PRRC2B: variants seen among roughly 807,000 people sequenced by gnomAD.
The protein encoded by PRRC2B is protein PRRC2B.
Under a neutral mutation model 242.3 loss-of-function variants are expected in PRRC2B, and 68 were observed. That is an observed-to-expected ratio of 0.28 (90% confidence interval 0.23 to 0.34). PRRC2B has a LOEUF of 0.34. Ranked by LOEUF, PRRC2B falls within the 10% of genes least tolerant of loss-of-function variation. PRRC2B has a pLI of 1.00. For synonymous variants in PRRC2B, 1,228 were observed against 1,173.6 expected (o/e 1.05, Z -0.95); for missense variants, 2,835 against 2,954.8 (o/e 0.96, Z 0.94).
chr9:131,476,465 A>G lies in PRRC2B; in HGVS notation c.4336A>G (p.Arg1446Gly). 1 of 1,613,350 alleles carries G rather than the reference A, an allele frequency of 6.2e-7. No homozygotes were observed. Among genetic ancestry groups the G allele is most frequent in the African/African-American group, 1.3e-5 (1 of 75,066 alleles). ...EPGGFGEKPV[R>G]PGGGDTSPRY... Reference sequence around the variant, plus strand: ...GGGAGGGTTTGGGGAGAAGCCCGTTAGGCCAGGTGGTGGTGACACCTCCCC... The same window carrying G: ...GGGAGGGTTTGGGGAGAAGCCCGTTGGGCCAGGTGGTGGTGACACCTCCCC... Residue 1446 changes from arginine (R) to glycine (G), a missense_variant, in exon 16 of 32, where the codon AGG becomes GGG. Physicochemically the swap from Arg to Gly is moderately radical, Grantham distance 125. Coordinates refer to ENST00000683519, the MANE Select transcript of PRRC2B (RefSeq NM_013318.4).
intron 1 of PRRC2B, among the ~76,000 whole-genome samples, chr9:131,408,204 G>T (rs1232100784): frequency 6.6e-6 from 1 of 152,230 alleles, no homozygotes; most frequent in Non-Finnish European, 1.5e-5. Context: ...CTAATGAGAG[G>T]TCTCGGGCCT....
intron 11 of PRRC2B, among the ~76,000 whole-genome samples, chr9:131,464,108 A>G (rs1943323609): frequency 6.6e-6 from 1 of 151,222 alleles, no homozygotes; most frequent in Non-Finnish European, 1.5e-5. Context: ...TGCCCAGCTA[A>G]TTTTTGTATT....
Position 131,495,784 on chromosome 9 carries a change from G to A in PRRC2B, c.6600G>A (p.Lys2200=). 1 of 1,612,946 alleles carries A rather than the reference G, an allele frequency of 6.2e-7. No homozygotes were observed. Among genetic ancestry groups the A allele is most frequent in the Non-Finnish European group, 8.5e-7 (1 of 1,179,012 alleles). ...VDEKPSLGAV[K]LQEAPSAASQ... is the part of the protein sequence containing the mutation. ...AGAAACCCAGCCTGGGAGCCGTGAA[G>A]CTGCAGGAGGCCCCCTCGGCTGCCT... Residue 2200 remains lysine (K), a synonymous_variant, in exon 32 of 32, where the codon AAG becomes AAA. Transcript: ENST00000683519.
At chr9:131,456,144 T>C (rs1032092616) in intron 10 of PRRC2B, among the ~76,000 whole-genome samples, 69 of 147,202 alleles carry the variant, frequency 4.7e-4, no homozygotes, top group Non-Finnish European at 8.5e-4. Context: ...TTAAGTGCAC[T>C]GGGGAGGTGA....
intron 1 of PRRC2B, among the ~76,000 whole-genome samples, chr9:131,383,165 C>T (rs1336738729): frequency 1.3e-4 from 20 of 152,280 alleles, no homozygotes; most frequent in Admixed American, 9.8e-4. Flanking sequence ...ACCGAGAAGG[C>T]CTCCTCCGGC....
chr9:131,494,425 G>C lies in PRRC2B; in HGVS notation c.6494G>C (p.Ser2165Thr). Residue 2165 changes from serine to threonine, a missense_variant, in exon 31 of 32, where the codon AGT becomes ACT. Physicochemically the swap from Ser to Thr is moderately conservative, Grantham distance 58 (BLOSUM62 1). Around this residue, in one of 7 missense-constraint regions of PRRC2B, gnomAD observed 574 missense variants for 626.0 expected, o/e 0.92. Coordinates refer to ENST00000683519, the MANE Select transcript of PRRC2B (RefSeq NM_013318.4). This position sits in a 1 kb window ranked among gnomAD's most constrained non-coding sequence, Gnocchi z 4.3. ...QTYRPSSASP[S>T]GKPSGSAVNM... ...TTCAGGCCTAGCTCTGCTAGCCCCA[G>C]TGGGAAGCCCTCTGGATCAGCAGTT... is the stretch of plus-strand genomic sequence containing the variant. 6.2e-7 allele frequency: 1 copy of C among 1,603,308 alleles called. No homozygotes were observed. The highest frequency in any genetic ancestry group is 8.5e-7 in the Non-Finnish European group (1 of 1,173,868).
Position 131,470,843 on chromosome 9 carries a change from C to T in PRRC2B, c.1967C>T (p.Pro656Leu). The change falls in exon 14 of 32, where the codon CCC becomes CTC. Residue 656 changes from proline (P) to leucine (L), a missense_variant. Around this residue, in one of 7 missense-constraint regions of PRRC2B, gnomAD observed 1,536 missense variants for 1,483.1 expected, o/e 1.04. Transcript: ENST00000683519. ...WQPVYPPPSH[P>L]QRTFYPHHPQ... ...CCGGTGTACCCCCCGCCGTCCCACC[C>T]CCAGCGCACCTTTTACCCACACCAC... The T allele has an allele frequency of 6.2e-7, 1 of 1,611,766 alleles. No homozygotes were observed. The highest frequency in any genetic ancestry group is 8.5e-7 in the Non-Finnish European group (1 of 1,178,292).
chr9:131,399,276 CAAAAA>C (rs72492020), intron 1 of PRRC2B, among the ~76,000 whole-genome samples: 4 of 44,216 alleles, frequency 9.0e-5, no homozygotes, highest in African/African-American at 2.5e-4. Context: ...AATTCTGTCT[CAAAAA>C]AAAAAAAAAA....
intron 1 of PRRC2B, among the ~76,000 whole-genome samples, chr9:131,379,064 T>C (rs500446): frequency 0.3 from 45,079 of 151,904 alleles, 6,787 homozygotes; most frequent in African/African-American, 0.33. Flanking sequence ...ATGGACATTT[T>C]GTACAAAGGG....
At chr9:131,490,798 A>G (rs1430955746) in intron 28 of PRRC2B, 4 of 340,662 alleles carry the variant, frequency 1.2e-5, no homozygotes, top group East Asian at 1.5e-4. Context: ...TGTGCTGTAC[A>G]AAGGAATGCA....
chr9:131,419,145 A>G (rs944905), intron 1 of PRRC2B, among the ~76,000 whole-genome samples: 147,734 of 152,322 alleles, frequency 0.97, 71,799 homozygotes, highest in East Asian at 1. Context: ...TGACTGCAGT[A>G]AATAGCTACG....
chr9:131,401,184 T>G (rs1475491306), intron 1 of PRRC2B, among the ~76,000 whole-genome samples: 2 of 152,062 alleles, frequency 1.3e-5, no homozygotes, highest in African/African-American at 4.8e-5. Context: ...AAAATTGTGG[T>G]GAAGTATACA....
chr9:131,381,417 CTT>C (rs34806343), intron 1 of PRRC2B, among the ~76,000 whole-genome samples: 116 of 102,398 alleles, frequency 1.1e-3, no homozygotes, highest in Middle Eastern at 4.9e-3. Context: ...AGTTCTGGTT[CTT>C]TTTTTTTTTT....
At chr9:131,375,193 G>C (rs1260795614) in intron 1 of PRRC2B, among the ~76,000 whole-genome samples, 1 of 152,132 alleles carries the variant, frequency 6.6e-6, no homozygotes, top group Non-Finnish European at 1.5e-5. Flanking sequence ...ACGACGTCAG[G>C]AGTTGGAGAT....
At chr9:131,404,195 G>T (rs1837301769) in intron 1 of PRRC2B, among the ~76,000 whole-genome samples, 1 of 150,634 alleles carries the variant, frequency 6.6e-6, no homozygotes, top group African/African-American at 2.4e-5. Context: ...ATAATCCCAT[G>T]GTTTAGATAT....
At chr9:131,491,372 G>A in intron 28 of PRRC2B, 53 bp from the exon 29 acceptor site, 1 of 1,505,032 alleles carries the variant, frequency 6.6e-7, no homozygotes, top group Non-Finnish European at 8.9e-7. Flanking sequence ...TGGTGCGTTT[G>A]GGGTTTCTCC....
At chr9:131,483,809 A>C (rs1170486662) in intron 23 of PRRC2B, among the ~76,000 whole-genome samples, 2 of 152,254 alleles carry the variant, frequency 1.3e-5, no homozygotes, top group South Asian at 4.1e-4. Context: ...TGCCGCCTGC[A>C]ATCTAACTGT....
chr9:131,475,953 G>A lies in PRRC2B; in HGVS notation c.3824G>A (p.Arg1275His), dbSNP rs773972580. 1.5e-5 allele frequency: 25 copies of A among 1,613,466 alleles called. No individual in the cohort carries two copies. The highest frequency in any genetic ancestry group is 4.5e-5 in the East Asian group (2 of 44,878). The change falls in exon 16 of 32, where the codon CGC becomes CAC. Residue 1275 changes from arginine (R) to histidine (H), a missense_variant. Physicochemically the swap from Arg to His is conservative, Grantham distance 29. Transcript: ENST00000683519. ...GGTGGCCGGGGCTTTGAGGACAGCCGCGCGGAGGACAAGAGATCCTTCTTC... is the reference window on the plus strand; with the variant it reads ...GGTGGCCGGGGCTTTGAGGACAGCCACGCGGAGGACAAGAGATCCTTCTTC... The part of the protein sequence containing the change: ...AFGGRGFEDS[R>H]AEDKRSFFQD...
chr9:131,409,602 G>A (rs1029199984), intron 1 of PRRC2B, among the ~76,000 whole-genome samples: 21 of 152,210 alleles, frequency 1.4e-4, no homozygotes, highest in African/African-American at 4.3e-4. Context: ...TGTGGGGGCC[G>A]GGCTGGGCTG....
Sources: gnomAD v4.1 joint callset for allele counts (sites outside exome capture counted in the v4.1 genomes callset) on GRCh38, gnomAD v4.1.1 for gene constraint, gnomAD v4.1.1 regional missense constraint, Gnocchi (gnomAD v3.1) non-coding constraint, MANE v1.5 for transcripts, NCBI Gene and HGNC (gene_info 2026-07-23, HGNC 2026-07-21) for gene names.